Variants in STON2 observed in about 807,000 individuals in gnomAD.
STON2 encodes stonin-2.
STON2 carries 29 observed loss-of-function variants against 65.7 expected under a neutral mutation model. The ratio of observed to expected loss-of-function variants is 0.44; its 90% CI spans 0.33 to 0.60. STON2 has a LOEUF of 0.60. STON2 is among the 20% of genes least tolerant of loss of function. The pLI, the probability that STON2 is intolerant of heterozygous loss-of-function variation, is 0.03. For missense variants in STON2, 1,054 were observed against 1,118.1 expected (o/e 0.94, Z 0.82); for synonymous variants, 404 against 414.2 (o/e 0.98, Z 0.30).
chr14:81,323,181 C>T (rs929877003), intron 5 of STON2, among the ~76,000 whole-genome samples: 2 of 152,184 alleles, frequency 1.3e-5, no homozygotes, highest in African/African-American at 2.4e-5. Flanking sequence ...GTGCAATCAA[C>T]GGCTTGTGTT....
In STON2 at chr14:81,277,188, C is replaced by A; in HGVS notation, c.2294G>T (p.Arg765Met). The A allele has an allele frequency of 1.2e-6, 2 of 1,614,224 alleles. No individual in the cohort carries two copies. Among genetic ancestry groups the A allele is most frequent in the Non-Finnish European group, 1.7e-6 (2 of 1,180,044 alleles). Residue 765 changes from arginine to methionine, a missense_variant, in exon 6 of 8, where the codon AGG (arginine) becomes ATG (methionine). Transcript: ENST00000614646. ...ATTGGCGGAGAAGCCAGTTGACATCCTCAGCCAGCTCTGCACCTCCACCTC... is the reference window on the plus strand; with the variant it reads ...ATTGGCGGAGAAGCCAGTTGACATCATCAGCCAGCTCTGCACCTCCACCTC... ...GAEVEVQSWLRMSTGFSANRD... is the reference protein window; with the variant it reads ...GAEVEVQSWLMMSTGFSANRD...
At chr14:81,370,091 A>G (rs1898916030) in intron 4 of STON2, among the ~76,000 whole-genome samples, 1 of 152,208 alleles carries the variant, frequency 6.6e-6, no homozygotes, top group Non-Finnish European at 1.5e-5. Flanking sequence ...TTCAGTCTAC[A>G]AGACAGATCG....
At chr14:81,359,510 G>GA (rs1898396998) in intron 4 of STON2, among the ~76,000 whole-genome samples, 1 of 151,886 alleles carries the variant, frequency 6.6e-6, no homozygotes, top group Non-Finnish European at 1.5e-5. Context: ...AATGTCAATA[G>GA]AAAAAAGAAA....
intron 5 of STON2, among the ~76,000 whole-genome samples, chr14:81,315,093 T>C (rs1285961545): frequency 6.6e-6 from 1 of 152,220 alleles, no homozygotes; most frequent in Admixed American, 6.5e-5. Flanking sequence ...GAATGGTAAA[T>C]GCAGAGGAAA....
At chr14:81,369,118 G>A (rs144365212) in intron 4 of STON2, among the ~76,000 whole-genome samples, 14 of 152,124 alleles carry the variant, frequency 9.2e-5, no homozygotes, top group East Asian at 5.8e-4. Flanking sequence ...CCTTTCTGTC[G>A]CCATAGCTCC....
chr14:81,306,215 A>T lies in STON2; in HGVS notation c.742+17802T>A, dbSNP rs72699798. The stretch of plus-strand genomic sequence containing the variant: ...CTATTTTATATATACACACACATAC[A>T]TACTCTTTTTTTTTTTTTTTTTTTT... On this transcript the variant is annotated intron_variant, in intron 5 of 7. Transcript: ENST00000614646. 6.1e-5 allele frequency among the ~76,000 whole-genome samples: 7 copies of T among 114,826 alleles called. 2 individuals are homozygous for T. Among genetic ancestry groups the T allele is most frequent in the Admixed American group, 1.2e-4 (1 of 8,502 alleles). The allele number at this position is 114,826 out of a possible 152,430, so 75.3% of individuals were successfully genotyped here.
intron 4 of STON2, among the ~76,000 whole-genome samples, chr14:81,367,128 G>A (rs1306601200): frequency 1.3e-5 from 2 of 152,134 alleles, no homozygotes; most frequent in Non-Finnish European, 2.9e-5. Flanking sequence ...GCTTTCCAAT[G>A]TGTACAGATA....
intron 5 of STON2, among the ~76,000 whole-genome samples, chr14:81,294,695 TG>T (rs918750447): frequency 1.3e-5 from 2 of 152,212 alleles, no homozygotes; most frequent in African/African-American, 4.8e-5. Context: ...TCTGGAATTG[TG>T]GGGCCTTTGA....
chr14:81,324,050 C>T lies in STON2; in HGVS notation c.709G>A (p.Gly237Ser), dbSNP rs901984514. Among the ~76,000 whole-genome samples the T allele has an allele frequency of 6.6e-6, 1 of 152,338 alleles. No individual in the cohort carries two copies. Among genetic ancestry groups the T allele is most frequent in the Middle Eastern group, 3.4e-3 (1 of 294 alleles). Residue 237 changes from glycine (G) to serine (S), a missense_variant, in exon 5 of 8, where the codon GGC becomes AGC. Transcript: ENST00000614646. ...GCAGAGGCCCCCTCCGGACCCTCGCCGGGGTTCTGGCTCCTCTTGGGCTGG... is the reference window on the plus strand; with the variant it reads ...GCAGAGGCCCCCTCCGGACCCTCGCTGGGGTTCTGGCTCCTCTTGGGCTGG... The part of the protein sequence containing the change: ...SPQPKRSQNP[G>S]EGPEGASAPN...
At chr14:81,327,679 A>G (rs1326891069) in intron 4 of STON2, among the ~76,000 whole-genome samples, 1 of 152,202 alleles carries the variant, frequency 6.6e-6, no homozygotes, top group Non-Finnish European at 1.5e-5. Flanking sequence ...AAAGGCTTAT[A>G]CTTTCCAAAA....
At chr14:81,284,505 T>A (rs1020502716) in intron 5 of STON2, among the ~76,000 whole-genome samples, 4 of 151,910 alleles carry the variant, frequency 2.6e-5, no homozygotes, top group Non-Finnish European at 5.9e-5. Flanking sequence ...GCAGAAAAAA[T>A]AAATAAATAA....
At chr14:81,339,594 T>G (rs1484867680) in intron 4 of STON2, among the ~76,000 whole-genome samples, 2 of 152,180 alleles carry the variant, frequency 1.3e-5, no homozygotes, top group Non-Finnish European at 2.9e-5. Flanking sequence ...AAGAACAGCA[T>G]AGCCCCTGTT....
chr14:81,271,016 T>C, intron 6 of STON2, 144 bp from the exon 7 acceptor site: 1 of 1,084,054 alleles, frequency 9.2e-7, no homozygotes, highest in Non-Finnish European at 1.3e-6. Flanking sequence ...AGCACGAGGA[T>C]CCGCCCGGCT....
upstream of STON2, among the ~76,000 whole-genome samples, chr14:81,402,405 A>G (rs1322816761): frequency 6.6e-6 from 1 of 152,200 alleles, no homozygotes; most frequent in African/African-American, 2.4e-5. Context: ...ACAGCAACCT[A>G]AAACAATAAC....
intron 2 of STON2, among the ~76,000 whole-genome samples, chr14:81,417,903 G>A (rs1478543931): frequency 6.6e-6 from 1 of 152,150 alleles, no homozygotes; most frequent in Non-Finnish European, 1.5e-5. Context: ...AGGGCTCCAG[G>A]CTATGATGGC....
chr14:81,344,551 T>C (rs905484632), intron 4 of STON2, among the ~76,000 whole-genome samples: 1 of 152,248 alleles, frequency 6.6e-6, no homozygotes, highest in East Asian at 1.9e-4. Flanking sequence ...TATTTGACAT[T>C]TGCTTAGATA....
upstream of STON2, among the ~76,000 whole-genome samples, chr14:81,403,470 C>T (rs1900699335): frequency 6.6e-6 from 1 of 152,112 alleles, no homozygotes; most frequent in African/African-American, 2.4e-5. Flanking sequence ...GCAATTAATC[C>T]AGGCTTTGTC....
intron 5 of STON2, among the ~76,000 whole-genome samples, chr14:81,308,778 ACC>A (rs10547842): frequency 0.82 from 76,000 of 92,512 alleles, 31,565 homozygotes; most frequent in Middle Eastern, 0.84. Context: ...ACATGGTTTT[ACC>A]CATATATATA....
Position 81,271,799 on chromosome 14 carries a change from GTACCCTA to G in STON2, c.2582-934_2582-928del, listed in dbSNP as rs548582207. ...CACCTGCCATACAGGAAACATTGAAGTACCCTATGCCTTCTTCTATGTTAAATCTTTT... is the reference window on the plus strand; with the variant it reads ...CACCTGCCATACAGGAAACATTGAAGTGCCTTCTTCTATGTTAAATCTTTT... On this transcript the variant is annotated intron_variant, in intron 6 of 7. Coordinates refer to ENST00000614646, the MANE Select transcript of STON2 (RefSeq NM_001394390.1). 1.2e-4 allele frequency among the ~76,000 whole-genome samples: 18 copies of G among 152,324 alleles called. No homozygotes were observed. The South Asian group carries it at 3.7e-3, about 32-fold the overall frequency.
Sources: gnomAD v4.1 joint callset for allele counts (sites outside exome capture counted in the v4.1 genomes callset) on GRCh38, gnomAD v4.1.1 for gene constraint, MANE v1.5 for transcripts, NCBI Gene and HGNC (gene_info 2026-07-23, HGNC 2026-07-21) for gene names.